The following SLC1A7 variants were observed in gnomAD, a reference collection of about 807,000 sequenced individuals.
SLC1A7 encodes the protein solute carrier family 1 member 7.
Under a neutral mutation model 47.7 loss-of-function variants are expected in SLC1A7, and 40 were observed. The observed-to-expected ratio is 0.84, with a 90% CI of 0.65 to 1.09. The LOEUF is 1.09. Ranked by LOEUF, SLC1A7 falls within the 50% of genes least tolerant of loss-of-function variation. SLC1A7 has a pLI of 0.00. For synonymous variants in SLC1A7, 323 were observed against 325.6 expected, an observed-to-expected ratio of 0.99 and a Z score of 0.09; for missense variants, 746 against 769.5, an observed-to-expected ratio of 0.97 and a Z score of 0.36.
chr1:53,134,285 G>A (rs2150345539), intron 2 of SLC1A7, 65 bp downstream of exon 2: 1 of 1,179,938 alleles, frequency 8.5e-7, no homozygotes, highest in Non-Finnish European at 1.2e-6. Context: ...CAGGAGCAGG[G>A]CAGCAACAGA....
intron 1 of SLC1A7, 95 bp downstream of exon 1, chr1:53,142,220 C>T: frequency 7.3e-7 from 1 of 1,373,938 alleles, no homozygotes; most frequent in Non-Finnish European, 9.8e-7. Flanking sequence ...ACTGTCATGG[C>T]ACCAGGGAGC....
intron 3 of SLC1A7, among the ~76,000 whole-genome samples, chr1:53,112,385 G>A (rs1644709432): frequency 6.6e-6 from 1 of 152,230 alleles, no homozygotes; most frequent in East Asian, 1.9e-4. Flanking sequence ...ACATGTGAGT[G>A]AGCTCAGTCC....
At position 53,103,307 on chromosome 1, in the gene SLC1A7, CG is replaced by C. The variant is rs1644603872; in HGVS notation, c.697+38del. 4 of 1,486,372 alleles carry C rather than the reference CG, an allele frequency of 2.7e-6. No homozygotes were observed. In the Admixed American group the frequency reaches 8.2e-5, roughly 31 times the overall value. 92.1% of individuals were successfully genotyped at this position (1,486,372 alleles called of 1,614,324 possible). ...AGGCTGCTGGGAGGGGCTGGGGGCC[CG>C]GCTCCACGGCACTGCTGGGCAGGTG... On this transcript the variant is annotated intron_variant, in intron 5 of 10. Coordinates refer to ENST00000371494, the MANE Select transcript of SLC1A7 (RefSeq NM_006671.6).
rs1410090136 is a variant in SLC1A7 at position 53,139,329 on chromosome 1, C to T, written c.135+2986G>A. 2.0e-5 allele frequency among the ~76,000 whole-genome samples: 3 copies of T among 152,206 alleles called. No homozygotes were observed. The East Asian group carries it at 5.8e-4, about 29-fold the overall frequency. On this transcript the variant is annotated intron_variant, in intron 1 of 10. Transcript: ENST00000371494. ...GCTGAGGAATGACATGGTGCCTAAGCTCAGCTGACAGCGATCTGAAACCGT... is the reference window on the plus strand; with the variant it reads ...GCTGAGGAATGACATGGTGCCTAAGTTCAGCTGACAGCGATCTGAAACCGT...
chr1:53,121,209 G>A (rs1334351459), intron 2 of SLC1A7, among the ~76,000 whole-genome samples: 3 of 152,244 alleles, frequency 2.0e-5, no homozygotes, highest in Non-Finnish European at 4.4e-5. Context: ...ACAGGCCTGG[G>A]TGCAGGGTTG....
chr1:53,104,655 G>T (rs560959483), intron 4 of SLC1A7, among the ~76,000 whole-genome samples: 1 of 152,194 alleles, frequency 6.6e-6, no homozygotes, highest in African/African-American at 2.4e-5. Context: ...CTTATTTCAT[G>T]GATGTCAGGA....
intron 5 of SLC1A7, among the ~76,000 whole-genome samples, chr1:53,096,070 C>T (rs1644485373): frequency 6.8e-6 from 1 of 147,198 alleles, no homozygotes; most frequent in African/African-American, 2.5e-5. Flanking sequence ...CCTCAGTACA[C>T]TCACACTGCC....
chr1:53,121,077 A>G (rs534594400), intron 2 of SLC1A7, among the ~76,000 whole-genome samples: 1 of 152,276 alleles, frequency 6.6e-6, no homozygotes, highest in East Asian at 1.9e-4. Context: ...CTGCATTTCA[A>G]TTGTTATAAT....
chr1:53,097,066 GCACTGCCTCAGTACGCTCACACA>G (rs1177062482), intron 5 of SLC1A7, among the ~76,000 whole-genome samples: 2 of 115,858 alleles, frequency 1.7e-5, no homozygotes, highest in African/African-American at 6.9e-5. Flanking sequence ...ACAATCACAC[GCACTGCCTCAGTACGCTCACACA>G]CACTGCCTCG....
chr1:53,122,649 GC>G (rs1411194127), intron 2 of SLC1A7, among the ~76,000 whole-genome samples: 1 of 152,098 alleles, frequency 6.6e-6, no homozygotes, highest in African/African-American at 2.4e-5. Context: ...CTCCCACTCA[GC>G]TAAAGTCTGG....
chr1:53,134,979 G>A (rs1158316876), intron 1 of SLC1A7, among the ~76,000 whole-genome samples: 18 of 151,982 alleles, frequency 1.2e-4, no homozygotes, highest in Admixed American at 1.2e-3. Flanking sequence ...TCAGACCATC[G>A]GTAACTGAAA....
At chr1:53,089,962 G>A (rs1214121306) in intron 8 of SLC1A7, 28 bp from the exon 9 acceptor site, 17 of 1,611,268 alleles carry the variant, frequency 1.1e-5, no homozygotes, top group East Asian at 2.2e-5. Flanking sequence ...GGGAAGAGGA[G>A]CAGCAGGAGG....
At chr1:53,118,247 G>A (rs1644783243) in intron 2 of SLC1A7, 1 of 152,280 alleles carries the variant, frequency 6.6e-6, no homozygotes, top group African/African-American at 2.4e-5. Flanking sequence ...AGAACTTGCA[G>A]CTGGTGCCCA....
At chr1:53,122,807 G>T (rs1439357094) in intron 2 of SLC1A7, among the ~76,000 whole-genome samples, 1 of 152,156 alleles carries the variant, frequency 6.6e-6, no homozygotes, top group Admixed American at 6.5e-5. Context: ...CCTTCCTGGT[G>T]TCACAATGAA....
At chr1:53,095,199 C>G (rs1160057937) in intron 5 of SLC1A7, among the ~76,000 whole-genome samples, 1 of 152,030 alleles carries the variant, frequency 6.6e-6, no homozygotes, top group African/African-American at 2.4e-5. Context: ...TGAGCACACA[C>G]AGACGCAGGT....
chr1:53,103,158 G>A, intron 5 of SLC1A7, 188 bp downstream of exon 5: 1 of 536,926 alleles, frequency 1.9e-6, no homozygotes, highest in Middle Eastern at 4.9e-4. Context: ...GGTGCCAGGG[G>A]GAAGCCCCTG....
In SLC1A7 at chr1:53,141,852, G is replaced by A. The variant is rs551940156; in HGVS notation, c.135+463C>T. On this transcript the variant is annotated intron_variant, in intron 1 of 10. Coordinates refer to ENST00000371494, the MANE Select transcript of SLC1A7 (RefSeq NM_006671.6). Reference sequence around the variant, plus strand: ...CATCTCATGGTTGCCGCAAGCCCACGTGTGGCGATGGGACCTATGGGCCTG... The same window carrying A: ...CATCTCATGGTTGCCGCAAGCCCACATGTGGCGATGGGACCTATGGGCCTG... 4.6e-5 allele frequency among the ~76,000 whole-genome samples: 7 copies of A among 152,222 alleles called. No individual in the cohort carries two copies. The East Asian group carries it at 7.7e-4, about 17-fold the overall frequency.
chr1:53,141,267 A>G (rs762704073), intron 1 of SLC1A7, among the ~76,000 whole-genome samples: 6 of 152,052 alleles, frequency 3.9e-5, no homozygotes, highest in Non-Finnish European at 8.8e-5. Context: ...CCTGCCTTCA[A>G]CAAGAATCCC....
chr1:53,093,338 C>T (rs1187182829), intron 6 of SLC1A7, 123 bp downstream of exon 6: 4 of 793,608 alleles, frequency 5.0e-6, no homozygotes, highest in African/African-American at 1.7e-5. Context: ...CCGGAGGCCC[C>T]GGCCCAGGGC....
Sources: gnomAD v4.1 joint callset for allele counts (sites outside exome capture counted in the v4.1 genomes callset) on GRCh38, gnomAD v4.1.1 for gene constraint, MANE v1.5 for transcripts, NCBI Gene and HGNC (gene_info 2026-07-23, HGNC 2026-07-21) for gene names.